Variants in USP34 observed in about 807,000 individuals in gnomAD.
The protein encoded by USP34 is ubiquitin specific peptidase 34.
Under a neutral mutation model 460.3 loss-of-function variants are expected in USP34, and 70 were observed. The observed-to-expected ratio is 0.15, with a 90% confidence interval of 0.13 to 0.19. The LOEUF is 0.19. Ranked by LOEUF, USP34 falls within the 10% of genes least tolerant of loss-of-function variation. The pLI is 1.00. For synonymous variants in USP34, 1,647 were observed against 1,405.3 expected (o/e 1.17, Z -3.85); for missense variants, 3,985 against 4,236.2 (o/e 0.94, Z 1.65).
At chr2:61,337,047 C>G (rs1000628975) in intron 18 of USP34, among the ~76,000 whole-genome samples, 1 of 151,972 alleles carries the variant, frequency 6.6e-6, no homozygotes, top group East Asian at 1.9e-4. Flanking sequence ...AACATACATA[C>G]AAAAGAGGGC....
chr2:61,229,236 T>C (rs1005605273), intron 59 of USP34, among the ~76,000 whole-genome samples: 1 of 129,672 alleles, frequency 7.7e-6, no homozygotes, highest in Non-Finnish European at 1.6e-5. Context: ...AGTTTTACCT[T>C]CTTGAATGTA....
At chr2:61,388,831 G>C (rs1693252068) in intron 5 of USP34, among the ~76,000 whole-genome samples, 1 of 151,604 alleles carries the variant, frequency 6.6e-6, no homozygotes, top group Non-Finnish European at 1.5e-5. Flanking sequence ...TTTACTTCTA[G>C]ATATACATCC....
chr2:61,244,557 G>A (rs947526285), intron 51 of USP34, among the ~76,000 whole-genome samples: 3 of 151,474 alleles, frequency 2.0e-5, no homozygotes, highest in Non-Finnish European at 2.9e-5. Context: ...GGAGGTTGCA[G>A]TGAGCCGAGA....
intron 51 of USP34, 50 bp downstream of exon 51, chr2:61,245,160 A>G: frequency 7.0e-7 from 1 of 1,423,594 alleles, no homozygotes; most frequent in Non-Finnish European, 9.8e-7. Flanking sequence ...ATGATATGAC[A>G]AAGCACTTGG....
At chr2:61,267,472 TCA>T (rs1689085652) in intron 41 of USP34, among the ~76,000 whole-genome samples, 1 of 150,618 alleles carries the variant, frequency 6.6e-6, no homozygotes, top group Non-Finnish European at 1.5e-5. Flanking sequence ...AGACAGAATC[TCA>T]CTCTGTCACC....
intron 53 of USP34, among the ~76,000 whole-genome samples, chr2:61,237,745 ATTTTT>A (rs1217415827): frequency 7.5e-6 from 1 of 132,860 alleles, no homozygotes; most frequent in Non-Finnish European, 1.6e-5. Context: ...TTATTTTTGT[ATTTTT>A]TTTTTTGTAG....
chr2:61,228,613 T>C (rs1687797765), intron 61 of USP34, 32 bp downstream of exon 61: 2 of 1,588,064 alleles, frequency 1.3e-6, no homozygotes, highest in Non-Finnish European at 1.7e-6. Flanking sequence ...CCAGAGCCTC[T>C]AATACCTAAT....
chr2:61,234,515 G>C (rs1688006492), intron 57 of USP34, among the ~76,000 whole-genome samples: 1 of 152,106 alleles, frequency 6.6e-6, no homozygotes, highest in Admixed American at 6.6e-5. Flanking sequence ...GGGAGAGTGG[G>C]GAAAGAGGAA....
intron 44 of USP34, among the ~76,000 whole-genome samples, chr2:61,258,797 T>G (rs1318089356): frequency 6.6e-6 from 1 of 152,144 alleles, no homozygotes; most frequent in Non-Finnish European, 1.5e-5. Flanking sequence ...TTTTAGGCAT[T>G]GTAATTAAGG....
chr2:61,431,785 C>T (rs567614064), intron 1 of USP34, among the ~76,000 whole-genome samples: 4 of 151,954 alleles, frequency 2.6e-5, no homozygotes, highest in Non-Finnish European at 4.4e-5. Flanking sequence ...ACCCGGGAGG[C>T]GGAGGTTGCA....
At chr2:61,342,595 AG>A (rs779798062) in intron 16 of USP34, among the ~76,000 whole-genome samples, 2 of 151,898 alleles carry the variant, frequency 1.3e-5, no homozygotes, top group African/African-American at 2.4e-5. Flanking sequence ...TATAGGTGTG[AG>A]CCACCATGCC....
intron 16 of USP34, among the ~76,000 whole-genome samples, chr2:61,340,200 A>G (rs950852136): frequency 7.6e-6 from 1 of 132,062 alleles, no homozygotes; most frequent in Non-Finnish European, 1.7e-5. Context: ...TATAATCCCT[A>G]TATTTAAAAA....
At chr2:61,337,202 A>C (rs1181048293) in intron 18 of USP34, among the ~76,000 whole-genome samples, 1 of 152,156 alleles carries the variant, frequency 6.6e-6, no homozygotes, top group Admixed American at 6.5e-5. Context: ...TACCCAGTCT[A>C]CTAAATACAA....
chr2:61,357,479 T>A (rs1002516911), intron 10 of USP34, among the ~76,000 whole-genome samples: 10 of 149,976 alleles, frequency 6.7e-5, no homozygotes, highest in African/African-American at 2.4e-4. Context: ...AATGTGAATT[T>A]AAAAAAAAAA....
intron 1 of USP34, among the ~76,000 whole-genome samples, chr2:61,458,230 G>A (rs1017443319): frequency 1.3e-5 from 2 of 151,918 alleles, no homozygotes; most frequent in Non-Finnish European, 2.9e-5. Context: ...AAGACTTCTC[G>A]AAAAAAATCA....
At chr2:61,451,212 C>A (rs1695263470) in intron 1 of USP34, among the ~76,000 whole-genome samples, 1 of 68,100 alleles carries the variant, frequency 1.5e-5, no homozygotes. Context: ...CAGTGTGAGG[C>A]TTCATCTCAA....
At chr2:61,287,772 T>C (rs770441942) in intron 34 of USP34, among the ~76,000 whole-genome samples, 13 of 152,256 alleles carry the variant, frequency 8.5e-5, no homozygotes, top group Admixed American at 1.3e-4. Context: ...TTCTGGTTAA[T>C]AGCAGGCTAT....
intron 1 of USP34, among the ~76,000 whole-genome samples, chr2:61,459,306 C>A (rs1695530742): frequency 6.6e-6 from 1 of 152,180 alleles, no homozygotes; most frequent in Admixed American, 6.6e-5. Context: ...ACAAATCTTT[C>A]TATTTCTCAT....
At chr2:61,244,620 A>G (rs1688371526) in intron 51 of USP34, among the ~76,000 whole-genome samples, 1 of 37,124 alleles carries the variant, frequency 2.7e-5, no homozygotes, top group Non-Finnish European at 7.1e-5. Flanking sequence ...ACTTGGGGGC[A>G]AAAAAAAAAA....
Sources: allele counts gnomAD v4.1 joint callset (sites outside exome capture counted in the v4.1 genomes callset), GRCh38; gene constraint gnomAD v4.1.1; transcripts MANE v1.5; gene names NCBI Gene and HGNC (gene_info 2026-07-23, HGNC 2026-07-21).